The following IFT74 variants were observed in gnomAD, a reference collection of about 807,000 sequenced individuals.
The protein encoded by IFT74 is intraflagellar transport 74.
In IFT74, 92 loss-of-function variants were observed where a neutral mutation model predicts 96.7. The observed-to-expected ratio is 0.95, with a 90% CI of 0.80 to 1.13. The LOEUF (loss-of-function observed/expected upper bound fraction) is 1.13. Ranked by LOEUF, IFT74 falls within the 50% of genes most tolerant of loss-of-function variation. The probability of loss-of-function intolerance (pLI) is 0.00; values close to 1 mark genes in which losing one functional copy is unlikely to be tolerated. For synonymous variants in IFT74, 223 were observed against 213.2 expected (o/e 1.05, Z -0.40); for missense variants, 811 against 698.2 (o/e 1.16, Z -1.82).
chr9:27,036,658 A>C, intron 13 of IFT74: 2 of 1,386,636 alleles, frequency 1.4e-6, no homozygotes, highest in Non-Finnish European at 1.9e-6. Flanking sequence ...TTCATTGGCT[A>C]CTTGTGTTCA....
At chr9:27,030,547 C>CA (rs60150925) in intron 13 of IFT74, among the ~76,000 whole-genome samples, 86,665 of 115,388 alleles carry the variant, frequency 0.75, 33,705 homozygotes, top group Middle Eastern at 0.85. Flanking sequence ...GACTCCGTCT[C>CA]AAAAAAAAAA....
At chr9:27,029,742 C>T (rs1410882468) in intron 13 of IFT74, among the ~76,000 whole-genome samples, 4 of 152,054 alleles carry the variant, frequency 2.6e-5, no homozygotes, top group African/African-American at 4.8e-5. Context: ...GAGTGAAACT[C>T]GGTCTCAATA....
intron 2 of IFT74, among the ~76,000 whole-genome samples, chr9:26,963,233 T>C (rs1355380901): frequency 6.6e-6 from 1 of 151,756 alleles, no homozygotes; most frequent in Non-Finnish European, 1.5e-5. Flanking sequence ...CTTGCGGTAG[T>C]TTACTGAGAA....
In IFT74 at chr9:27,055,777, A is replaced by G. The variant is rs1223072923; in HGVS notation, c.1497+5A>G. Reference sequence around the variant, plus strand: ...TCAGGTGAAGAAAAGATAAAGGTAAATGTTAACCAAGTCTTACAGAATTAC... The same window carrying G: ...TCAGGTGAAGAAAAGATAAAGGTAAGTGTTAACCAAGTCTTACAGAATTAC... On this transcript the variant is annotated splice_donor_5th_base_variant and intron_variant, in intron 17 of 19. Transcript: ENST00000380062. The G allele has an allele frequency of 6.7e-7, 1 of 1,494,882 alleles. No individual in the cohort carries two copies. Among genetic ancestry groups the G allele is most frequent in the Non-Finnish European group, 8.9e-7 (1 of 1,121,656 alleles). 92.6% of individuals were successfully genotyped at this position (1,494,882 alleles called of 1,614,324 possible).
intron 1 of IFT74, among the ~76,000 whole-genome samples, chr9:26,950,248 G>A (rs113739602): frequency 0.055 from 8,259 of 151,194 alleles, 271 homozygotes; most frequent in South Asian, 0.13. Context: ...GGAGGGGGAG[G>A]TTGCAGTGAG....
chr9:26,988,491 T>C (rs1221745623), intron 6 of IFT74, among the ~76,000 whole-genome samples, 178 bp from the exon 7 acceptor site: 1 of 152,262 alleles, frequency 6.6e-6, no homozygotes, highest in African/African-American at 2.4e-5. Context: ...GTGCATAATA[T>C]ATGCTTACTT....
intron 18 of IFT74, 139 bp from the exon 19 acceptor site, chr9:27,060,451 TC>T: frequency 2.4e-6 from 1 of 419,796 alleles, no homozygotes; most frequent in Non-Finnish European, 4.4e-6. Context: ...TCTTTTTTTT[TC>T]TACCGTGGCT....
At chr9:27,009,749 C>T (rs560025844) in intron 9 of IFT74, among the ~76,000 whole-genome samples, 2 of 152,014 alleles carry the variant, frequency 1.3e-5, no homozygotes, top group East Asian at 1.9e-4. Context: ...AAACAGCTAA[C>T]CTTTTTACCT....
intron 8 of IFT74, among the ~76,000 whole-genome samples, chr9:27,007,993 A>T (rs1305222178): frequency 6.6e-6 from 1 of 152,184 alleles, no homozygotes; most frequent in Non-Finnish European, 1.5e-5. Flanking sequence ...ATTTCTTTTG[A>T]TTACGTGATA....
chr9:27,006,227 GAAAATGCATACT>G (rs1828769266), intron 8 of IFT74, among the ~76,000 whole-genome samples: 1 of 152,088 alleles, frequency 6.6e-6, no homozygotes, highest in Non-Finnish European at 1.5e-5. Flanking sequence ...TTACAATATT[GAAAATGCATACT>G]TTTGAAAGAT....
At chr9:26,962,653 A>C (rs1055946416) in intron 2 of IFT74, among the ~76,000 whole-genome samples, 3 of 152,268 alleles carry the variant, frequency 2.0e-5, no homozygotes, top group Admixed American at 1.3e-4. Context: ...TCAGAATTCT[A>C]CATAGCTTAG....
intron 6 of IFT74, among the ~76,000 whole-genome samples, chr9:26,985,672 C>T (rs193203411): frequency 4.7e-4 from 71 of 152,054 alleles, no homozygotes; most frequent in Non-Finnish European, 5.3e-4. Context: ...TTGTAAAATA[C>T]GTTTACTGAC....
intron 1 of IFT74, among the ~76,000 whole-genome samples, chr9:26,958,112 G>A (rs1355185522): frequency 6.6e-6 from 1 of 152,136 alleles, no homozygotes. Context: ...CTTTATGTAC[G>A]AGGAAATTTA....
Position 27,036,572 on chromosome 9 carries a change from T to C in IFT74, c.1054+7468T>C. The C allele has an allele frequency of 3.8e-6, 6 of 1,595,434 alleles. No homozygotes were observed. In the South Asian group the frequency reaches 4.6e-5, roughly 12 times the overall value. ...ATTTGAACTGAAGAATACCCTGCTATAGCCTCCCATTGTTTCACAGATCTT... is the reference window on the plus strand; with the variant it reads ...ATTTGAACTGAAGAATACCCTGCTACAGCCTCCCATTGTTTCACAGATCTT... On this transcript the variant is annotated intron_variant, in intron 13 of 19. Transcript: ENST00000380062.
At chr9:27,062,062 T>C (rs1268443808) in intron 19 of IFT74, among the ~76,000 whole-genome samples, 1 of 152,192 alleles carries the variant, frequency 6.6e-6, no homozygotes, top group Non-Finnish European at 1.5e-5. Flanking sequence ...AGGGTGGTGC[T>C]GAACTTCAGC....
At position 27,065,492 on chromosome 9, in the gene IFT74, T is replaced by G. The variant is rs1388131209; in HGVS notation, c.*2756T>G. 1.3e-5 allele frequency among the ~76,000 whole-genome samples: 2 copies of G among 152,212 alleles called. No homozygotes were observed. The highest frequency in any genetic ancestry group is 4.8e-5 in the African/African-American group (2 of 41,462). ...CTAGTGAAGATCAACATGGGAAAGT[T>G]AGCAAGTCTTTGTTTTTCCCATCCT... On this transcript the variant is annotated 3_prime_UTR_variant, in exon 20 of 20. Coordinates refer to ENST00000380062, the MANE Select transcript of IFT74 (RefSeq NM_025103.4).
intron 1 of IFT74, among the ~76,000 whole-genome samples, chr9:26,950,806 G>A (rs1825909763): frequency 6.6e-6 from 1 of 152,238 alleles, no homozygotes; most frequent in Non-Finnish European, 1.5e-5. Context: ...TTAATGCTCA[G>A]TAGATGTTAT....
At chr9:26,998,141 A>G (rs1563961095) in intron 8 of IFT74, 2 of 1,610,688 alleles carry the variant, frequency 1.2e-6, no homozygotes, top group Admixed American at 1.7e-5. Flanking sequence ...TGTACCATTA[A>G]GAGTAATTTG....
At chr9:26,951,057 T>C (rs972752667) in intron 1 of IFT74, among the ~76,000 whole-genome samples, 1 of 152,232 alleles carries the variant, frequency 6.6e-6, no homozygotes. Context: ...CCTGAAGGCA[T>C]GAAGGAAAAA....
Sources: gnomAD v4.1 joint callset for allele counts (sites outside exome capture counted in the v4.1 genomes callset) on GRCh38, gnomAD v4.1.1 for gene constraint, MANE v1.5 for transcripts, NCBI Gene and HGNC (gene_info 2026-07-23, HGNC 2026-07-21) for gene names.